Variants in FBN1 observed in about 807,000 individuals in gnomAD.
The protein encoded by FBN1 is fibrillin-1.
FBN1 carries 29 observed loss-of-function variants against 365.1 expected under a neutral mutation model. That is an observed-to-expected ratio of 0.08 (90% CI 0.06 to 0.11). The LOEUF (loss-of-function observed/expected upper bound fraction) is 0.11, where lower values mean the gene tolerates loss of function less well. FBN1 is among the 10% of genes least tolerant of loss of function. The pLI is 1.00. For synonymous variants in FBN1, 1,210 were observed against 1,270.5 expected, an observed-to-expected ratio of 0.95 and a Z score of 1.01; for missense variants, 2,476 against 3,703.2, an observed-to-expected ratio of 0.67 and a Z score of 8.60.
chr15:48,414,098 C>T (rs965776493), intron 64 of FBN1, among the ~76,000 whole-genome samples: 1 of 152,120 alleles, frequency 6.6e-6, no homozygotes, highest in Non-Finnish European at 1.5e-5. Flanking sequence ...TTTTCATATC[C>T]CGGGAGCACC....
intron 53 of FBN1, among the ~76,000 whole-genome samples, chr15:48,435,974 T>C (rs1024212310): frequency 4.6e-5 from 7 of 152,006 alleles, no homozygotes; most frequent in African/African-American, 1.7e-4. Flanking sequence ...TCAACAGTTG[T>C]TTCTTGTGCT....
At chr15:48,523,879 C>T (rs1034788382) in intron 9 of FBN1, among the ~76,000 whole-genome samples, 13 of 152,244 alleles carry the variant, frequency 8.5e-5, no homozygotes, top group African/African-American at 2.2e-4. Context: ...AGACATCTGG[C>T]GAAGAGGAGG....
chr15:48,526,324 C>G (rs2043914665), intron 8 of FBN1, 69 bp from the exon 9 acceptor site: 1 of 1,554,652 alleles, frequency 6.4e-7, no homozygotes, highest in African/African-American at 1.4e-5. Flanking sequence ...AGTAGAAGGA[C>G]TCAGATGTTA....
At chr15:48,446,105 AATTT>A (rs909112846) in intron 47 of FBN1, among the ~76,000 whole-genome samples, 6 of 152,126 alleles carry the variant, frequency 3.9e-5, no homozygotes, top group Non-Finnish European at 7.4e-5. Flanking sequence ...TTTATTTTGA[AATTT>A]ATTTAATTTA....
At chr15:48,494,134 T>C (rs28730797) in intron 23 of FBN1, 70 bp downstream of exon 23, 2 of 1,223,434 alleles carry the variant, frequency 1.6e-6, no homozygotes, top group African/African-American at 3.0e-5. Flanking sequence ...GACAGCTTTA[T>C]CCAGTCCGAG....
At chr15:48,629,229 G>A (rs1889940525) in intron 2 of FBN1, among the ~76,000 whole-genome samples, 1 of 152,132 alleles carries the variant, frequency 6.6e-6, no homozygotes, top group Non-Finnish European at 1.5e-5. Flanking sequence ...ACATATTTTG[G>A]ATTTACACCC....
At chr15:48,641,898 G>A (rs1004446814) in intron 2 of FBN1, 3 of 152,144 alleles carry the variant, frequency 2.0e-5, no homozygotes, top group Non-Finnish European at 4.4e-5. Context: ...TTTAACATAA[G>A]AATTGGGGTT....
Position 48,446,800 on chromosome 15 carries a change from A to T in FBN1, c.5694T>A (p.Asp1898Glu). The T allele has an allele frequency of 6.2e-7, 1 of 1,610,926 alleles. No homozygotes were observed. Among genetic ancestry groups the T allele is most frequent in the South Asian group, 1.1e-5 (1 of 91,024 alleles). The stretch of plus-strand genomic sequence containing the variant: ...TCCGGCAAGTTCCATTCCCACAGGC[A>T]TCTCTTTCACATTCATTTATGTCTA... ...MCLDINECERDACGNGTCRNT... is the reference protein window; with the variant it reads ...MCLDINECEREACGNGTCRNT... Residue 1898 changes from aspartate to glutamate, a missense_variant, in exon 47 of 66, where the codon GAT (aspartate) becomes GAA (glutamate). This residue lies in a region of FBN1 where 1,780 missense variants were observed against 2,840.8 expected (regional missense o/e 0.63). Coordinates refer to ENST00000316623, the MANE Select transcript of FBN1 (RefSeq NM_000138.5).
intron 8 of FBN1, among the ~76,000 whole-genome samples, chr15:48,526,621 A>T (rs1355059597): frequency 3.3e-5 from 5 of 152,136 alleles, no homozygotes; most frequent in African/African-American, 9.7e-5. Flanking sequence ...AAACTCTCCT[A>T]CTAATTATTT....
Position 48,412,701 on chromosome 15 carries a change from C to T in FBN1, c.8094G>A (p.Glu2698=). 2 of 1,614,254 alleles carry T rather than the reference C, an allele frequency of 1.2e-6. No individual in the cohort carries two copies. Among genetic ancestry groups the T allele is most frequent in the Non-Finnish European group, 1.7e-6 (2 of 1,180,032 alleles). ...CATCCATTTCACCACTGACAGGTGG[C>T]TCTGGGTTTCCTCGGCCCATGCCCA... The part of the protein sequence containing the change: ...SGMGMGRGNP[E]PPVSGEMDDN... Residue 2698 remains glutamate, a synonymous_variant, in exon 65 of 66, where the codon GAG becomes GAA. Coordinates refer to ENST00000316623, the MANE Select transcript of FBN1 (RefSeq NM_000138.5).
intron 4 of FBN1, 119 bp downstream of exon 4, chr15:48,610,609 G>A (rs1024488248): frequency 1.2e-5 from 9 of 763,220 alleles, no homozygotes; most frequent in Non-Finnish European, 2.1e-5. Flanking sequence ...GAACAGAGAA[G>A]GCAGATGTTC....
At chr15:48,446,636 G>T in intron 47 of FBN1, 70 bp downstream of exon 47, 2 of 901,576 alleles carry the variant, frequency 2.2e-6, no homozygotes, top group Non-Finnish European at 3.8e-6. Context: ...GAACACTAGA[G>T]ATGATGCTAA....
chr15:48,439,135 A>G (rs1473289125), intron 50 of FBN1, among the ~76,000 whole-genome samples: 3 of 152,240 alleles, frequency 2.0e-5, no homozygotes, highest in Non-Finnish European at 4.4e-5. Context: ...GAGTTGCCAG[A>G]GATAACAAAG....
chr15:48,478,246 C>T (rs772453060), intron 32 of FBN1, among the ~76,000 whole-genome samples: 1 of 152,134 alleles, frequency 6.6e-6, no homozygotes, highest in Non-Finnish European at 1.5e-5. Context: ...GGAGTTTTCA[C>T]AGGCCGACAG....
intron 6 of FBN1, among the ~76,000 whole-genome samples, chr15:48,593,530 C>T (rs893496800): frequency 2.6e-5 from 4 of 152,160 alleles, no homozygotes; most frequent in African/African-American, 7.2e-5. Context: ...ACATTGTAAT[C>T]AGCTCTGTTT....
At chr15:48,524,422 T>A (rs1333874137) in intron 9 of FBN1, among the ~76,000 whole-genome samples, 1 of 152,218 alleles carries the variant, frequency 6.6e-6, no homozygotes, top group African/African-American at 2.4e-5. Context: ...GATTTGTTTA[T>A]ACTGTCAGGG....
intron 9 of FBN1, 147 bp downstream of exon 9, chr15:48,525,983 G>A: frequency 2.0e-6 from 2 of 1,010,636 alleles, no homozygotes; most frequent in East Asian, 2.5e-5. Flanking sequence ...CTTTAAGAGG[G>A]CAGTCAACTG....
intron 9 of FBN1, among the ~76,000 whole-genome samples, chr15:48,523,320 C>T (rs2043876612): frequency 1.3e-5 from 2 of 152,154 alleles, no homozygotes. Flanking sequence ...GGGCTAATGT[C>T]TATTATTTTG....
At chr15:48,513,432 A>C in intron 13 of FBN1, 117 bp downstream of exon 13, 1 of 1,442,864 alleles carries the variant, frequency 6.9e-7, no homozygotes. Flanking sequence ...CAAAAAAGCC[A>C]CGGGACTGTA....
Sources: allele counts gnomAD v4.1 joint callset (sites outside exome capture counted in the v4.1 genomes callset), GRCh38; gene constraint gnomAD v4.1.1; regional missense constraint gnomAD v4.1.1; transcripts MANE v1.5; gene names NCBI Gene and HGNC (gene_info 2026-07-23, HGNC 2026-07-21).